Variants in DHX58 observed in about 807,000 individuals in gnomAD.
DHX58 encodes the protein DExH-box helicase 58.
Under a neutral mutation model 65.0 loss-of-function variants are expected in DHX58, and 51 were observed. That is an observed-to-expected ratio of 0.78 (90% confidence interval 0.63 to 0.99). The LOEUF (loss-of-function observed/expected upper bound fraction) is 0.99. Ranked by LOEUF, DHX58 falls within the 50% of genes least tolerant of loss-of-function variation. DHX58 has a pLI of 0.00. For synonymous variants in DHX58, 350 were observed against 365.0 expected (o/e 0.96, Z 0.47); for missense variants, 773 against 891.8 (o/e 0.87, Z 1.70).
chr17:42,107,700 C>G lies in DHX58; in HGVS notation c.901G>C (p.Asp301His), dbSNP rs1206725123. The G allele has an allele frequency of 1.2e-6, 2 of 1,612,194 alleles. No individual in the cohort carries two copies. The highest frequency in any genetic ancestry group is 2.7e-5 in the African/African-American group (2 of 74,874). ...AAATCCTGCAGCGCAGCCAAGGCATCCACGGCGCGGACGGTGTCATGGATG... is the reference window on the plus strand; with the variant it reads ...AAATCCTGCAGCGCAGCCAAGGCATGCACGGCGCGGACGGTGTCATGGATG... ...LLIHDTVRAV[D>H]ALAALQDFYH... Residue 301 changes from aspartate (D) to histidine (H), a missense_variant, in exon 8 of 14, where the codon GAT becomes CAT. Physicochemically the swap from Asp to His is moderately conservative, Grantham distance 81. Transcript: ENST00000251642.
Position 42,110,764 on chromosome 17 carries a change from C to T in DHX58, c.520G>A (p.Gly174Arg), listed in dbSNP as rs143136123. ...LGLTASPGTGGASKLDGAINH... is the reference protein window; with the variant it reads ...LGLTASPGTGRASKLDGAINH... ...ATGGCCCCATCGAGTTTGGAGGCCCCGCCAGTGCCTGGGGAGGCTGTGAGA... is the reference window on the plus strand; with the variant it reads ...ATGGCCCCATCGAGTTTGGAGGCCCTGCCAGTGCCTGGGGAGGCTGTGAGA... Residue 174 changes from glycine to arginine, a missense_variant, in exon 5 of 14, where the codon GGG (glycine) becomes AGG (arginine). Coordinates refer to ENST00000251642, the MANE Select transcript of DHX58 (RefSeq NM_024119.3). 8.3e-5 allele frequency: 133 copies of T among 1,612,054 alleles called. No individual in the cohort carries two copies. The highest frequency in any genetic ancestry group is 1.6e-4 in the Middle Eastern group (1 of 6,072).
intron 12 of DHX58, 71 bp from the exon 13 acceptor site, chr17:42,102,383 G>T: frequency 3.6e-6 from 5 of 1,380,766 alleles, no homozygotes; most frequent in Admixed American, 1.7e-5. Context: ...CCCTCCTGCC[G>T]GCCAAGTCTC....
intron 2 of DHX58, 22 bp from the exon 3 acceptor site, chr17:42,111,915 G>A: frequency 6.3e-7 from 1 of 1,589,296 alleles, no homozygotes; most frequent in African/African-American, 1.3e-5. Context: ...AGGGGACTCA[G>A]ACCCACCGAC....
chr17:42,110,077 C>T (rs2054125215), intron 5 of DHX58, among the ~76,000 whole-genome samples: 1 of 151,386 alleles, frequency 6.6e-6, no homozygotes, highest in African/African-American at 2.4e-5. Flanking sequence ...ATCCCAGCTA[C>T]TCGGGAGGCT....
intron 5 of DHX58, among the ~76,000 whole-genome samples, chr17:42,110,165 C>T (rs1256520883): frequency 1.5e-5 from 2 of 136,992 alleles, no homozygotes; most frequent in East Asian, 2.1e-4. Flanking sequence ...CCAGCCTGGG[C>T]GACAGAGTGA....
intron 12 of DHX58, chr17:42,102,800 C>CTTTTTTTTTTTTTTT (rs1161140416): frequency 7.0e-6 from 1 of 143,682 alleles, no homozygotes; most frequent in African/African-American, 2.5e-5. Context: ...ACTGGTGTCG[C>CTTTTTTTTTTTTTTT]TTTTTTTTTT....
At position 42,105,106 on chromosome 17, in the gene DHX58, G is replaced by C. The variant is rs572169890; in HGVS notation, c.1313C>G (p.Thr438Arg). The C allele has an allele frequency of 1.6e-5, 26 of 1,613,976 alleles. No individual in the cohort carries two copies. In the Middle Eastern group the frequency reaches 9.9e-4, roughly 61 times the overall value. ...QDGTLNLLVA[T>R]SVAEEGLDIP... Reference sequence around the variant, plus strand: ...GTCCAGCCCCTCCTCCGCCACACTCGTGGCCACCAGAAGGTTCAGGGTTCC... The same window carrying C: ...GTCCAGCCCCTCCTCCGCCACACTCCTGGCCACCAGAAGGTTCAGGGTTCC... The change falls in exon 10 of 14, where the codon ACG becomes AGG. Residue 438 changes from threonine (T) to arginine (R), a missense_variant. Physicochemically the swap from Thr to Arg is moderately conservative, Grantham distance 71 (BLOSUM62 -1). Transcript: ENST00000251642.
At chr17:42,112,021 C>T in intron 2 of DHX58, 92 bp downstream of exon 2, 1 of 1,203,698 alleles carries the variant, frequency 8.3e-7, no homozygotes, top group Non-Finnish European at 1.1e-6. Flanking sequence ...GGGCAGGACT[C>T]CCTCAGAACC....
At chr17:42,107,857 G>C in intron 7 of DHX58, 62 bp from the exon 8 acceptor site, 1 of 1,540,746 alleles carries the variant, frequency 6.5e-7, no homozygotes. Context: ...CTGCCCCATA[G>C]GGCCGTCCCA....
chr17:42,101,584 G>A lies in DHX58; in HGVS notation c.*177C>T. On this transcript the variant is annotated 3_prime_UTR_variant, in exon 14 of 14. Coordinates refer to ENST00000251642, the MANE Select transcript of DHX58 (RefSeq NM_024119.3). ...TGCGTACAAGGTAGGTCTGGACTAA[G>A]CTCTGGCCCTCCGGTTGTTTTCCCA... 4 of 750,522 alleles carry A rather than the reference G, an allele frequency of 5.3e-6. No homozygotes were observed. Among genetic ancestry groups the A allele is most frequent in the Non-Finnish European group, 8.6e-6 (4 of 464,458 alleles). The allele number at this position is 750,522 out of a possible 1,614,324, so 46.5% of individuals were successfully genotyped here.
At chr17:42,106,317 G>GGAAAGAAA (rs60324801) in intron 8 of DHX58, among the ~76,000 whole-genome samples, 1 of 143,406 alleles carries the variant, frequency 7.0e-6, no homozygotes, top group Admixed American at 6.9e-5. Context: ...AGGGAGGGAG[G>GGAAAGAAA]GAAAGAAAGA....
chr17:42,107,577 G>GCC, intron 8 of DHX58, 27 bp downstream of exon 8: 1 of 1,514,872 alleles, frequency 6.6e-7, no homozygotes. Flanking sequence ...ATCATCCCCG[G>GCC]CCCCGAAGCC....
chr17:42,102,613 G>A (rs1015645169), intron 12 of DHX58: 10 of 279,212 alleles, frequency 3.6e-5, no homozygotes, highest in Non-Finnish European at 5.4e-5. Context: ...CCAACTGCTA[G>A]AGGGATCTAA....
rs782221859 is a variant in DHX58, at chr17:42,103,623, A to C, written c.1739T>G (p.Val580Gly). Residue 580 changes from valine (V) to glycine (G), a missense_variant, in exon 12 of 14, where the codon GTG (valine) becomes GGG (glycine). Coordinates refer to ENST00000251642, the MANE Select transcript of DHX58 (RefSeq NM_024119.3). The stretch of plus-strand genomic sequence containing the variant: ...CAGGTCTCACGAGAAGTTGGGGTTC[A>C]CATTGACATGGTGGGTGCCCTCCAC... ...RKVEGTHHVN[V>G]NPNFSNYYNV... The C allele has an allele frequency of 3.7e-6, 6 of 1,613,928 alleles. No individual in the cohort carries two copies. Among genetic ancestry groups the C allele is most frequent in the Non-Finnish European group, 5.1e-6 (6 of 1,180,030 alleles).
At chr17:42,103,556 A>T (rs782788197) in intron 12 of DHX58, 52 bp downstream of exon 12, 1 of 1,598,596 alleles carries the variant, frequency 6.3e-7, no homozygotes, top group African/African-American at 1.3e-5. Flanking sequence ...CACTGTCTGG[A>T]TGGGAAGGAT....
At chr17:42,103,574 C>G (rs782711217) in intron 12 of DHX58, 34 bp downstream of exon 12, 2 of 1,609,942 alleles carry the variant, frequency 1.2e-6, no homozygotes, top group Non-Finnish European at 1.7e-6. Flanking sequence ...GATTCCCAGG[C>G]CCCCATCCCA....
rs782403336 is a variant in DHX58 at position 42,111,413 on chromosome 17, C to CCATG, written c.249_252dup (p.Gly85HisfsTer15). ...AGGTGGCCAAAGCCAGCACGTGGTCCCATGTCCCCACTCAGGGTTGTCACG... is the reference window on the plus strand; with the variant it reads ...AGGTGGCCAAAGCCAGCACGTGGTCCCATGCATGTCCCCACTCAGGGTTGTCACG... On this transcript the variant is annotated frameshift_variant, in exon 4 of 14. Coordinates refer to ENST00000251642, the MANE Select transcript of DHX58 (RefSeq NM_024119.3). LOFTEE classifies it high-confidence loss of function. The CCATG allele has an allele frequency of 6.2e-7, 1 of 1,614,194 alleles. No homozygotes were observed.
At chr17:42,111,071 A>C (rs1297875735) in intron 4 of DHX58, among the ~76,000 whole-genome samples, 158 bp from the exon 5 acceptor site, 2 of 152,076 alleles carry the variant, frequency 1.3e-5, no homozygotes, top group Non-Finnish European at 2.9e-5. Flanking sequence ...ACTTCTTTCC[A>C]TTTCACAGAT....
rs1266189003 is a variant in DHX58, at chr17:42,105,808, C to A, written c.1179G>T (p.Leu393=). ...LLLWLQQQQG[L]QTVDIRAQLL... is the part of the protein sequence containing the mutation. ...GCTGGGCCCGGATGTCCACAGTCTG[C>A]AGGCCCTGCTGCTGCTGGAGCCAGA... Residue 393 remains leucine, a synonymous_variant, in exon 9 of 14, where the codon CTG becomes CTT. Coordinates refer to ENST00000251642, the MANE Select transcript of DHX58 (RefSeq NM_024119.3). 1.2e-6 allele frequency: 2 copies of A among 1,613,516 alleles called. No individual in the cohort carries two copies. Among genetic ancestry groups the A allele is most frequent in the Non-Finnish European group, 8.5e-7 (1 of 1,179,718 alleles).
Sources: gnomAD v4.1 joint callset for allele counts (sites outside exome capture counted in the v4.1 genomes callset) on GRCh38, gnomAD v4.1.1 for gene constraint, MANE v1.5 for transcripts, NCBI Gene and HGNC (gene_info 2026-07-23, HGNC 2026-07-21) for gene names.